The following MTF2 variants were observed in gnomAD, a reference collection of about 807,000 sequenced individuals.
MTF2 encodes metal-response element-binding transcription factor 2.
A neutral mutation model predicts 79.5 loss-of-function variants in MTF2; 11 were observed. The observed-to-expected ratio is 0.14, with a 90% CI of 0.09 to 0.23. The LOEUF is 0.23. MTF2 is among the 10% of genes least tolerant of loss of function. The probability of loss-of-function intolerance (pLI) is 1.00; values close to 1 mark genes in which losing one functional copy is unlikely to be tolerated. For missense variants in MTF2, 486 were observed against 711.2 expected, an observed-to-expected ratio of 0.68 and a Z score of 3.60; for synonymous variants, 208 against 232.8, an observed-to-expected ratio of 0.89 and a Z score of 0.97.
intron 1 of MTF2, among the ~76,000 whole-genome samples, chr1:93,102,951 G>A (rs1655608160): frequency 6.6e-6 from 1 of 152,022 alleles, no homozygotes. Context: ...CCAACATAGT[G>A]AAACCCTGTC....
At chr1:93,117,273 T>C (rs529736776) in intron 6 of MTF2, among the ~76,000 whole-genome samples, 1 of 152,316 alleles carries the variant, frequency 6.6e-6, no homozygotes, top group South Asian at 2.1e-4. Context: ...TGTGGTGGTG[T>C]GTACCTGTAC....
chr1:93,111,193 G>C (rs1237170259), intron 3 of MTF2, among the ~76,000 whole-genome samples: 1 of 152,096 alleles, frequency 6.6e-6, no homozygotes, highest in Non-Finnish European at 1.5e-5. Context: ...TAGAAACCAT[G>C]ATTGTTTCAT....
chr1:93,092,136 G>A (rs1340052221), intron 1 of MTF2, among the ~76,000 whole-genome samples: 1 of 151,556 alleles, frequency 6.6e-6, no homozygotes, highest in African/African-American at 2.4e-5. Flanking sequence ...TTTTATTTTG[G>A]CTATAATTTT....
At chr1:93,104,246 ATCTC>A (rs1364775961) in intron 1 of MTF2, among the ~76,000 whole-genome samples, 3 of 151,820 alleles carry the variant, frequency 2.0e-5, no homozygotes, top group Non-Finnish European at 2.9e-5. Flanking sequence ...GGTACAAATG[ATCTC>A]TCTATTAATG....
At chr1:93,122,954 CAT>C (rs1656539026) in intron 9 of MTF2, among the ~76,000 whole-genome samples, 1 of 152,046 alleles carries the variant, frequency 6.6e-6, no homozygotes, top group South Asian at 2.1e-4. Flanking sequence ...AAAAAGGTAA[CAT>C]AAATAATGGG....
chr1:93,108,117 C>T (rs1243104941), intron 1 of MTF2, among the ~76,000 whole-genome samples: 1 of 152,202 alleles, frequency 6.6e-6, no homozygotes, highest in Non-Finnish European at 1.5e-5. Flanking sequence ...TTTGCTCCTA[C>T]ATACTTCCTT....
At chr1:93,089,743 G>C (rs1654993072) in intron 1 of MTF2, among the ~76,000 whole-genome samples, 1 of 151,912 alleles carries the variant, frequency 6.6e-6, no homozygotes. Flanking sequence ...TTTAGAGATT[G>C]TGTCTGTGTA....
chr1:93,114,583 C>A, intron 3 of MTF2, 105 bp from the exon 4 acceptor site: 1 of 709,062 alleles, frequency 1.4e-6, no homozygotes, highest in Non-Finnish European at 2.3e-6. Context: ...TTATGATGTA[C>A]TTAGCAAACA....
intron 1 of MTF2, among the ~76,000 whole-genome samples, chr1:93,105,681 GT>G (rs778549208): frequency 2.7e-5 from 4 of 148,038 alleles, no homozygotes; most frequent in Non-Finnish European, 4.5e-5. Context: ...GTGTGTGTGT[GT>G]TTTTTTTTTG....
At chr1:93,097,637 G>A (rs1224750134) in intron 1 of MTF2, among the ~76,000 whole-genome samples, 3 of 151,812 alleles carry the variant, frequency 2.0e-5, no homozygotes, top group Non-Finnish European at 4.4e-5. Flanking sequence ...TCACTCTGTC[G>A]CCCAGGCAGG....
At chr1:93,115,449 A>T (rs755320409) in intron 5 of MTF2, 21 bp from the exon 6 acceptor site, 2 of 1,518,564 alleles carry the variant, frequency 1.3e-6, no homozygotes, top group Non-Finnish European at 8.9e-7. Flanking sequence ...ACTCTTTCAC[A>T]TTTTTTTCCC....
intron 1 of MTF2, among the ~76,000 whole-genome samples, chr1:93,087,708 T>A (rs961884229): frequency 3.3e-5 from 5 of 152,232 alleles, no homozygotes; most frequent in Non-Finnish European, 7.3e-5. Flanking sequence ...CCACTGTATG[T>A]GACCTCGGTT....
intron 9 of MTF2, among the ~76,000 whole-genome samples, chr1:93,123,485 C>T (rs1365813689): frequency 6.6e-6 from 1 of 151,934 alleles, no homozygotes; most frequent in Non-Finnish European, 1.5e-5. Context: ...TGTGGAGTTT[C>T]CTTCCTCTTG....
intron 1 of MTF2, among the ~76,000 whole-genome samples, chr1:93,108,104 A>G (rs1156751532): frequency 6.6e-6 from 1 of 152,188 alleles, no homozygotes; most frequent in Non-Finnish European, 1.5e-5. Flanking sequence ...CAGTTGAAAC[A>G]GTTTTGCTCC....
Position 93,119,417 on chromosome 1 carries a change from T to C in MTF2, c.797+16T>C. On this transcript the variant is annotated intron_variant, in intron 8 of 14. Coordinates refer to ENST00000370298, the MANE Select transcript of MTF2 (RefSeq NM_007358.4). ...CATTACAGTGGTAAGTGTGGACCTT[T>C]CTGTTAAAAGAAAGAAAAGCCATTT... 1 of 1,555,776 alleles carries C rather than the reference T, an allele frequency of 6.4e-7. No homozygotes were observed.
At chr1:93,111,100 G>T (rs1656011640) in intron 3 of MTF2, among the ~76,000 whole-genome samples, 1 of 152,126 alleles carries the variant, frequency 6.6e-6, no homozygotes, top group Non-Finnish European at 1.5e-5. Context: ...GGAAAATGAG[G>T]CTATATTTGT....
intron 1 of MTF2, among the ~76,000 whole-genome samples, chr1:93,106,155 A>G (rs955351975): frequency 6.6e-6 from 1 of 152,216 alleles, no homozygotes; most frequent in African/African-American, 2.4e-5. Flanking sequence ...CAGAAATATT[A>G]GGAGAAGCAG....
rs543610993 is a variant in MTF2, at chr1:93,085,495, T to C, written c.5+5964T>C. Among the ~76,000 whole-genome samples the C allele has an allele frequency of 9.9e-3, 860 of 86,566 alleles. 9 individuals are homozygous for C. The highest frequency in any genetic ancestry group is 0.028 in the African/African-American group (818 of 29,468). The allele number at this position is 86,566 out of a possible 152,430, so 56.8% of individuals were successfully genotyped here. On this transcript the variant is annotated intron_variant, in intron 1 of 14. Transcript: ENST00000370298. ...CCCGGCCTTTTTTTTTTTTTTTTTT[T>C]CTTCATTAAAAGAGACAGGGTCTCT...
At chr1:93,109,255 A>G (rs1438410417) in intron 1 of MTF2, among the ~76,000 whole-genome samples, 1 of 152,186 alleles carries the variant, frequency 6.6e-6, no homozygotes, top group African/African-American at 2.4e-5. Flanking sequence ...TGTCTGATAC[A>G]TAAGTTATAA....
Sources: gnomAD v4.1 joint callset for allele counts (sites outside exome capture counted in the v4.1 genomes callset) on GRCh38, gnomAD v4.1.1 for gene constraint, MANE v1.5 for transcripts, NCBI Gene and HGNC (gene_info 2026-07-23, HGNC 2026-07-21) for gene names.